CTNNA3: variants seen among roughly 807,000 people sequenced by gnomAD.
The protein encoded by CTNNA3 is catenin alpha 3, also known as catenin alpha-3.
A neutral mutation model predicts 95.7 loss-of-function variants in CTNNA3; 76 were observed. That is an observed-to-expected ratio of 0.79 (90% CI 0.66 to 0.96). The LOEUF is 0.96. Among genes scored for constraint, CTNNA3 ranks in the 40% least tolerant of loss-of-function variants. The probability of loss-of-function intolerance (pLI) is 0.00; values close to 1 mark genes in which losing one functional copy is unlikely to be tolerated. For synonymous variants in CTNNA3, 431 were observed against 374.4 expected (o/e 1.15, Z -1.74); for missense variants, 1,191 against 1,089.8 (o/e 1.09, Z -1.31).
intron 13 of CTNNA3, among the ~76,000 whole-genome samples, chr10:66,205,257 A>C (rs2087684835): frequency 6.6e-6 from 1 of 151,998 alleles, no homozygotes. Context: ...TTTAATTGAA[A>C]CAATGTATGA....
In CTNNA3 at chr10:67,315,365, C is replaced by G. The variant is rs1840999919; in HGVS notation, c.580-95495G>C. On this transcript the variant is annotated intron_variant, in intron 5 of 17. Coordinates refer to ENST00000433211, the MANE Select transcript of CTNNA3 (RefSeq NM_013266.4). ...ACTTAGCAGATATTTACCTCCACCC[C>G]TCTCATTAATCTATCCACTGAAGAA... Among the ~76,000 whole-genome samples the G allele has an allele frequency of 7.9e-5, 12 of 152,228 alleles. No individual in the cohort carries two copies. The South Asian group carries it at 2.5e-3, about 32-fold the overall frequency.
At chr10:67,208,092 G>T in intron 6 of CTNNA3, among the ~76,000 whole-genome samples, 1 of 152,046 alleles carries the variant, frequency 6.6e-6, no homozygotes, top group East Asian at 1.9e-4. Flanking sequence ...GAACAGCCAG[G>T]CCAGGCGCGG....
In CTNNA3 at chr10:66,379,281, G is replaced by A. The variant is rs41274090; in HGVS notation, c.1603C>T (p.Arg535Cys). Residue 535 changes from arginine to cysteine, a missense_variant, in exon 12 of 18, where the codon CGT becomes TGT. Physicochemically the swap from Arg to Cys is radical, Grantham distance 180. Coordinates refer to ENST00000433211, the MANE Select transcript of CTNNA3 (RefSeq NM_013266.4). ...CGGCCTCTGATAGCACCCGCAGCAC[G>A]GTCTAAATTATCAGCATCCTGGTCT... Reference protein sequence around the residue: ...LRDQDADNLDRAAGAIRGRAA... With the variant: ...LRDQDADNLDCAAGAIRGRAA... The A allele has an allele frequency of 0.012, 19,911 of 1,614,046 alleles. 205 individuals carry two copies. The highest frequency in any genetic ancestry group is 0.018 in the Middle Eastern group (107 of 6,060).
intron 7 of CTNNA3, among the ~76,000 whole-genome samples, chr10:66,987,232 C>T (rs1441857882): frequency 6.6e-6 from 1 of 152,082 alleles, no homozygotes; most frequent in Non-Finnish European, 1.5e-5. Flanking sequence ...CTGAATGAAA[C>T]GGGTGGCCAC....
intron 12 of CTNNA3, among the ~76,000 whole-genome samples, chr10:66,317,565 C>T (rs1293774482): frequency 2.6e-5 from 4 of 151,600 alleles, no homozygotes; most frequent in African/African-American, 4.8e-5. Context: ...CCCAGCTACT[C>T]GGGAGGCTGA....
intron 15 of CTNNA3, among the ~76,000 whole-genome samples, chr10:65,989,354 TGAA>T (rs1172209596): frequency 1.3e-5 from 2 of 152,176 alleles, no homozygotes; most frequent in Non-Finnish European, 2.9e-5. Context: ...GCAGAGAAGA[TGAA>T]GACCTTTTTG....
intron 14 of CTNNA3, among the ~76,000 whole-genome samples, chr10:66,096,750 C>T (rs1423877000): frequency 6.6e-6 from 1 of 152,050 alleles, no homozygotes; most frequent in African/African-American, 2.4e-5. Context: ...TCTTGAACTC[C>T]TGGCCTCAAG....
intron 16 of CTNNA3, among the ~76,000 whole-genome samples, chr10:65,982,164 C>T (rs2078333129): frequency 6.7e-6 from 1 of 149,938 alleles, no homozygotes; most frequent in African/African-American, 2.4e-5. Flanking sequence ...AAAAAAATCC[C>T]ATCAAAAAGT....
At chr10:67,726,504 ATATTATATAT>A (rs1564841232) in intron 1 of CTNNA3, among the ~76,000 whole-genome samples, 6 of 65,616 alleles carry the variant, frequency 9.1e-5, no homozygotes, top group Admixed American at 2.9e-4. Context: ...AATATATAAT[ATATTATATAT>A]TATATTATAT....
chr10:66,928,550 TC>T, intron 7 of CTNNA3: 1 of 1,097,100 alleles, frequency 9.1e-7, no homozygotes, highest in South Asian at 1.7e-5. Flanking sequence ...ATGCCCCCCC[TC>T]CCCTTCCCTC....
At chr10:66,111,876 C>T (rs1288311724) in intron 13 of CTNNA3, among the ~76,000 whole-genome samples, 1 of 151,230 alleles carries the variant, frequency 6.6e-6, no homozygotes, top group African/African-American at 2.4e-5. Flanking sequence ...TTTGTTAGGC[C>T]AATCTCAGAC....
At chr10:67,297,093 T>C (rs1465968654) in intron 5 of CTNNA3, among the ~76,000 whole-genome samples, 5 of 152,140 alleles carry the variant, frequency 3.3e-5, no homozygotes, top group Admixed American at 3.3e-4. Context: ...CACAGCCACA[T>C]TGTACGTGGA....
chr10:67,204,962 A>T (rs2132222572), intron 6 of CTNNA3, among the ~76,000 whole-genome samples: 1 of 152,200 alleles, frequency 6.6e-6, no homozygotes, highest in East Asian at 1.9e-4. Flanking sequence ...TGTAATAGTG[A>T]TGTTATCTGC....
intron 9 of CTNNA3, among the ~76,000 whole-genome samples, chr10:66,630,065 C>A (rs1185095638): frequency 6.6e-6 from 1 of 152,120 alleles, no homozygotes; most frequent in Non-Finnish European, 1.5e-5. Flanking sequence ...TTTATAAAAG[C>A]AGGGACCACC....
At chr10:67,762,844 T>C (rs2131761205) in intron 1 of CTNNA3, among the ~76,000 whole-genome samples, 1 of 152,330 alleles carries the variant, frequency 6.6e-6, no homozygotes, top group East Asian at 1.9e-4. Flanking sequence ...ACTATCCTAT[T>C]CTGTTCCATT....
At chr10:66,296,594 T>G (rs1414420778) in intron 12 of CTNNA3, among the ~76,000 whole-genome samples, 2 of 131,082 alleles carry the variant, frequency 1.5e-5, no homozygotes, top group African/African-American at 3.1e-5. Context: ...CAGATCTATA[T>G]ATCTATATAT....
intron 11 of CTNNA3, among the ~76,000 whole-genome samples, chr10:66,429,002 G>A (rs1479751024): frequency 6.6e-5 from 10 of 151,794 alleles, no homozygotes; most frequent in East Asian, 1.9e-4. Context: ...TTGATAGACC[G>A]CTAGCAAGAC....
intron 12 of CTNNA3, among the ~76,000 whole-genome samples, chr10:66,294,589 G>C (rs1269998126): frequency 6.6e-6 from 1 of 152,144 alleles, no homozygotes; most frequent in Non-Finnish European, 1.5e-5. Context: ...TAGAAGAAAA[G>C]AGTTCATAAA....
chr10:65,989,296 T>C (rs966825010), intron 15 of CTNNA3, among the ~76,000 whole-genome samples: 6 of 152,138 alleles, frequency 3.9e-5, no homozygotes, highest in African/African-American at 1.4e-4. Context: ...CCAGTATTAT[T>C]ATTATTATTT....
Sources: gnomAD v4.1 joint callset for allele counts (sites outside exome capture counted in the v4.1 genomes callset) on GRCh38, gnomAD v4.1.1 for gene constraint, MANE v1.5 for transcripts, NCBI Gene and HGNC (gene_info 2026-07-23, HGNC 2026-07-21) for gene names.